The following CTNND2 variants were observed in gnomAD, a reference collection of about 807,000 sequenced individuals.
CTNND2 encodes the protein catenin delta-2.
A neutral mutation model predicts 144.4 loss-of-function variants in CTNND2; 22 were observed. The observed-to-expected ratio is 0.15, with a 90% CI of 0.11 to 0.22. The LOEUF (loss-of-function observed/expected upper bound fraction) is 0.22. Among genes scored for constraint, CTNND2 ranks in the 10% least tolerant of loss-of-function variants. The probability of loss-of-function intolerance (pLI) is 1.00; values close to 1 mark genes in which losing one functional copy is unlikely to be tolerated. For synonymous variants in CTNND2, 751 were observed against 695.6 expected, an observed-to-expected ratio of 1.08 and a Z score of -1.25; for missense variants, 1,353 against 1,618.8, an observed-to-expected ratio of 0.84 and a Z score of 2.82.
chr5:11,068,991 C>A (rs1747931812), intron 16 of CTNND2, among the ~76,000 whole-genome samples: 1 of 152,208 alleles, frequency 6.6e-6, no homozygotes, highest in African/African-American at 2.4e-5. Flanking sequence ...GTTATAGTAG[C>A]AAAGAAGGAA....
chr5:11,840,855 T>G (rs1048312225), intron 1 of CTNND2, among the ~76,000 whole-genome samples: 1 of 152,166 alleles, frequency 6.6e-6, no homozygotes, highest in Non-Finnish European at 1.5e-5. Flanking sequence ...TTCAAGTAAT[T>G]TGGAAACTCC....
intron 9 of CTNND2, among the ~76,000 whole-genome samples, chr5:11,244,675 G>A (rs1279398253): frequency 6.6e-6 from 1 of 152,162 alleles, no homozygotes; most frequent in East Asian, 1.9e-4. Context: ...TGGAAAGTAA[G>A]CTCAACGGTT....
chr5:11,547,818 T>C (rs1341310217), intron 3 of CTNND2, among the ~76,000 whole-genome samples: 1 of 152,232 alleles, frequency 6.6e-6, no homozygotes, highest in East Asian at 1.9e-4. Context: ...CAAGTACTTT[T>C]GAAAGTTCTT....
chr5:11,289,480 A>G (rs1224714683), intron 9 of CTNND2, among the ~76,000 whole-genome samples: 11 of 152,224 alleles, frequency 7.2e-5, no homozygotes, highest in Admixed American at 7.2e-4. Flanking sequence ...TATTCTTAGT[A>G]TGCTCACAAA....
chr5:11,691,089 T>C (rs2126648528), intron 2 of CTNND2, among the ~76,000 whole-genome samples: 1 of 152,136 alleles, frequency 6.6e-6, no homozygotes, highest in Middle Eastern at 3.4e-3. Context: ...AAAGAAATAA[T>C]GGCCGGGCGC....
At chr5:10,983,020 G>C (rs1222345309) in intron 20 of CTNND2, among the ~76,000 whole-genome samples, 1 of 152,170 alleles carries the variant, frequency 6.6e-6, no homozygotes, top group African/African-American at 2.4e-5. Context: ...AGTTGGGAGA[G>C]AGGAATAAGA....
At chr5:11,194,328 C>T (rs1736638661) in intron 11 of CTNND2, among the ~76,000 whole-genome samples, 1 of 152,180 alleles carries the variant, frequency 6.6e-6, no homozygotes, top group East Asian at 1.9e-4. Context: ...TCATTCTCCA[C>T]TTTCACCTAG....
chr5:11,797,429 G>C (rs538527470), intron 1 of CTNND2, among the ~76,000 whole-genome samples: 29 of 152,216 alleles, frequency 1.9e-4, no homozygotes, highest in Admixed American at 6.5e-4. Context: ...CAAGTTTCAG[G>C]GTTCAGTGGT....
intron 1 of CTNND2, among the ~76,000 whole-genome samples, chr5:11,832,406 TG>T (rs1793955457): frequency 1.3e-5 from 2 of 152,162 alleles, no homozygotes; most frequent in African/African-American, 4.8e-5. Flanking sequence ...ATAAAAGACT[TG>T]TATCCAGGAG....
At chr5:11,106,061 T>G (rs377301252) in intron 14 of CTNND2, among the ~76,000 whole-genome samples, 2 of 152,180 alleles carry the variant, frequency 1.3e-5, no homozygotes, top group African/African-American at 4.8e-5. Context: ...CCAAATGTCA[T>G]GAGGAGCAGA....
intron 10 of CTNND2, among the ~76,000 whole-genome samples, chr5:11,200,881 G>A (rs549701560): frequency 7.0e-4 from 106 of 151,874 alleles, no homozygotes; most frequent in African/African-American, 1.4e-3. Flanking sequence ...GGGTTTCACC[G>A]TATTAACCAG....
intron 1 of CTNND2, among the ~76,000 whole-genome samples, chr5:11,740,625 C>G (rs867344349): frequency 6.6e-6 from 1 of 152,164 alleles, no homozygotes; most frequent in South Asian, 2.1e-4. Context: ...AGGACATAGG[C>G]ATGGGCAAAG....
intron 15 of CTNND2, among the ~76,000 whole-genome samples, chr5:11,096,336 C>T (rs1287146822): frequency 1.3e-5 from 2 of 152,010 alleles, no homozygotes; most frequent in South Asian, 2.1e-4. Flanking sequence ...CCTGCCAGGC[C>T]CCGGTGTGTG....
At chr5:11,041,911 G>A (rs949024137) in intron 16 of CTNND2, among the ~76,000 whole-genome samples, 1 of 152,156 alleles carries the variant, frequency 6.6e-6, no homozygotes, top group Non-Finnish European at 1.5e-5. Flanking sequence ...GATTTATAAT[G>A]TATTAGCAAA....
intron 2 of CTNND2, among the ~76,000 whole-genome samples, chr5:11,602,711 T>TATATTATATATTTTATATGTAATATAA (rs1401255973): frequency 4.5e-5 from 6 of 133,658 alleles, no homozygotes; most frequent in Admixed American, 1.4e-4. Flanking sequence ...TTTCATATAT[T>TATATTATATATTTTATATGTAATATAA]ATATTATATA....
chr5:11,473,353 T>C (rs182095649), intron 3 of CTNND2, among the ~76,000 whole-genome samples: 1 of 152,202 alleles, frequency 6.6e-6, no homozygotes, highest in Non-Finnish European at 1.5e-5. Flanking sequence ...CATTGAATGT[T>C]CATGTTGTTT....
At chr5:11,388,364 G>A (rs1411756478) in intron 6 of CTNND2, among the ~76,000 whole-genome samples, 1 of 152,184 alleles carries the variant, frequency 6.6e-6, no homozygotes, top group Non-Finnish European at 1.5e-5. Context: ...TGGCACCGCT[G>A]AACACATGGG....
intron 2 of CTNND2, among the ~76,000 whole-genome samples, chr5:11,653,683 C>T (rs974794146): frequency 5.3e-5 from 8 of 151,356 alleles, no homozygotes; most frequent in African/African-American, 1.9e-4. Flanking sequence ...TCTCTCATTC[C>T]ATAGGTTGCC....
At position 11,098,677 on chromosome 5, in the gene CTNND2, T is replaced by C. The variant is rs767679830; in HGVS notation, c.2535A>G (p.Ser845=). 22 of 1,614,198 alleles carry C rather than the reference T, an allele frequency of 1.4e-5. No individual in the cohort carries two copies. In the East Asian group the frequency reaches 4.5e-4, roughly 33 times the overall value. The change falls in exon 15 of 22, where the codon TCA becomes TCG. Residue 845 remains serine (S), a synonymous_variant. Transcript: ENST00000304623. Reference sequence around the variant, plus strand: ...GCAGTGTGAGGTAGGGTTTGACTATTGATGGGTGCCACAGCATCTGGATCC... The same window carrying C: ...GCAGTGTGAGGTAGGGTTTGACTATCGATGGGTGCCACAGCATCTGGATCC... ...PKGIQMLWHP[S]IVKPYLTLLS...
Sources: gnomAD v4.1 joint callset for allele counts (sites outside exome capture counted in the v4.1 genomes callset) on GRCh38, gnomAD v4.1.1 for gene constraint, MANE v1.5 for transcripts, NCBI Gene and HGNC (gene_info 2026-07-23, HGNC 2026-07-21) for gene names.